The following CDYL variants were observed in gnomAD, a reference collection of about 807,000 sequenced individuals.
The protein encoded by CDYL is chromodomain Y-like protein.
Under a neutral mutation model 47.3 loss-of-function variants are expected in CDYL, and 8 were observed. The observed-to-expected ratio is 0.17, with a 90% confidence interval of 0.10 to 0.31. The LOEUF (loss-of-function observed/expected upper bound fraction) is 0.31, where lower values mean the gene tolerates loss of function less well. Among genes scored for constraint, CDYL ranks in the 10% least tolerant of loss-of-function variants. The pLI is 1.00. For missense variants in CDYL, 471 were observed against 701.4 expected, an observed-to-expected ratio of 0.67 and a Z score of 3.71; for synonymous variants, 266 against 265.0, an observed-to-expected ratio of 1.00 and a Z score of -0.04.
At chr6:4,881,098 G>T (rs117548668) in intron 1 of CDYL, among the ~76,000 whole-genome samples, 1 of 152,122 alleles carries the variant, frequency 6.6e-6, no homozygotes, top group Non-Finnish European at 1.5e-5. Flanking sequence ...GTGTGTGTGT[G>T]TTTTTAATCC....
chr6:4,921,877 C>A (rs963578778), intron 2 of CDYL, among the ~76,000 whole-genome samples: 3 of 152,136 alleles, frequency 2.0e-5, no homozygotes, highest in African/African-American at 4.8e-5. Flanking sequence ...CAGTTAGAAT[C>A]CCAACTCCAT....
chr6:4,943,488 T>C lies in CDYL; in HGVS notation c.1122-58T>C. The C allele has an allele frequency of 1.6e-6, 2 of 1,239,578 alleles. 1 individual carries two copies. Among genetic ancestry groups the C allele is most frequent in the South Asian group, 2.6e-5 (2 of 77,604 alleles). The allele number at this position is 1,239,578 out of a possible 1,614,324, so 76.8% of individuals were successfully genotyped here. ...GGTAAATTGAATTCCATAATAGACTTTTCCTTTGCTCAAATATGCAATGTT... is the reference window on the plus strand; with the variant it reads ...GGTAAATTGAATTCCATAATAGACTCTTCCTTTGCTCAAATATGCAATGTT... On this transcript the variant is annotated intron_variant, in intron 4 of 6. Transcript: ENST00000397588.
chr6:4,717,703 C>CAAAAAAAAAAAA (rs200835710), intron 2 of CDYL, among the ~76,000 whole-genome samples: 9 of 49,344 alleles, frequency 1.8e-4, no homozygotes, highest in African/African-American at 7.5e-4. Context: ...AAGACCCTCA[C>CAAAAAAAAAAAA]AAAAAAAAAA....
At chr6:4,768,939 T>C (rs559005716) in intron 3 of CDYL, among the ~76,000 whole-genome samples, 44 of 152,182 alleles carry the variant, frequency 2.9e-4, no homozygotes, top group Non-Finnish European at 5.3e-4. Context: ...AGTCAAATCA[T>C]ATCATGAGAC....
chr6:4,763,155 T>C (rs1451209073), intron 3 of CDYL, among the ~76,000 whole-genome samples: 1 of 152,096 alleles, frequency 6.6e-6, no homozygotes, highest in Non-Finnish European at 1.5e-5. Flanking sequence ...GTAAGAAAAT[T>C]GCCACTGAAA....
chr6:4,816,384 AACT>A (rs1759677472), intron 1 of CDYL, among the ~76,000 whole-genome samples: 1 of 152,090 alleles, frequency 6.6e-6, no homozygotes, highest in African/African-American at 2.4e-5. Flanking sequence ...AGCCCCAAGA[AACT>A]ACTACTACGA....
intron 1 of CDYL, among the ~76,000 whole-genome samples, chr6:4,788,615 A>G (rs1247656361): frequency 6.6e-6 from 1 of 151,666 alleles, no homozygotes; most frequent in African/African-American, 2.4e-5. Flanking sequence ...TGGGTCAGGA[A>G]CTCTCAAAGA....
chr6:4,821,562 C>T (rs1350284873), intron 1 of CDYL, among the ~76,000 whole-genome samples: 1 of 151,774 alleles, frequency 6.6e-6, no homozygotes, highest in Non-Finnish European at 1.5e-5. Context: ...GGTGAAACCC[C>T]GTCTCTACTA....
chr6:4,750,860 T>C (rs1455168844), intron 3 of CDYL, among the ~76,000 whole-genome samples: 1 of 151,212 alleles, frequency 6.6e-6, no homozygotes, highest in Admixed American at 6.6e-5. Context: ...CTTTTCTTTT[T>C]TTTTTTTTTT....
intron 1 of CDYL, among the ~76,000 whole-genome samples, chr6:4,811,222 A>T (rs968656640): frequency 2.0e-5 from 3 of 152,254 alleles, no homozygotes; most frequent in Non-Finnish European, 2.9e-5. Flanking sequence ...AGTAAAACAT[A>T]GTAGACCATG....
intron 1 of CDYL, among the ~76,000 whole-genome samples, chr6:4,843,497 CA>C (rs1187547457): frequency 6.7e-6 from 1 of 149,386 alleles, no homozygotes; most frequent in Non-Finnish European, 1.5e-5. Flanking sequence ...CCCAACTTCT[CA>C]GAGGCTTTTT....
At chr6:4,768,337 A>C (rs1758287554) in intron 3 of CDYL, among the ~76,000 whole-genome samples, 1 of 152,218 alleles carries the variant, frequency 6.6e-6, no homozygotes, top group Non-Finnish European at 1.5e-5. Flanking sequence ...CCTTGGAGAA[A>C]TGGTTGATTC....
intron 1 of CDYL, among the ~76,000 whole-genome samples, chr6:4,808,542 A>G (rs1179591521): frequency 5.9e-5 from 9 of 152,240 alleles, no homozygotes; most frequent in Admixed American, 1.3e-4. Context: ...AACACATGCC[A>G]GTGAACTGTA....
At chr6:4,841,011 A>G (rs1760473423) in intron 1 of CDYL, among the ~76,000 whole-genome samples, 1 of 152,074 alleles carries the variant, frequency 6.6e-6, no homozygotes, top group African/African-American at 2.4e-5. Flanking sequence ...TAAATGTCTG[A>G]TAAAATTCAG....
chr6:4,780,895 C>T (rs1013364410), intron 1 of CDYL, among the ~76,000 whole-genome samples: 6 of 152,164 alleles, frequency 3.9e-5, no homozygotes, highest in African/African-American at 1.4e-4. Context: ...CACCATGAGA[C>T]TTTGTTCACG....
At chr6:4,757,789 C>T (rs781453274) in intron 3 of CDYL, among the ~76,000 whole-genome samples, 5 of 152,168 alleles carry the variant, frequency 3.3e-5, no homozygotes, top group East Asian at 1.9e-4. Flanking sequence ...GTAATCCCAG[C>T]ACTGTGGGAG....
intron 1 of CDYL, among the ~76,000 whole-genome samples, chr6:4,801,209 T>G (rs1396966232): frequency 1.3e-5 from 2 of 152,210 alleles, no homozygotes; most frequent in African/African-American, 4.8e-5. Context: ...AGGCTTTTAG[T>G]TTTTCTGGTT....
At chr6:4,924,748 G>A (rs1311325148) in intron 2 of CDYL, among the ~76,000 whole-genome samples, 1 of 152,170 alleles carries the variant, frequency 6.6e-6, no homozygotes, top group African/African-American at 2.4e-5. Flanking sequence ...AACTTACAGT[G>A]AGTTCTGCTA....
chr6:4,876,108 CCAGT>C (rs1239842510), intron 1 of CDYL, among the ~76,000 whole-genome samples: 2 of 152,172 alleles, frequency 1.3e-5, no homozygotes, highest in East Asian at 1.9e-4. Context: ...ATGTCCCTTC[CCAGT>C]CAGTTTCCCT....
Sources: gnomAD v4.1 joint callset for allele counts (sites outside exome capture counted in the v4.1 genomes callset) on GRCh38, gnomAD v4.1.1 for gene constraint, MANE v1.5 for transcripts, NCBI Gene and HGNC (gene_info 2026-07-23, HGNC 2026-07-21) for gene names.